The following CADPS variants were observed in gnomAD, a reference collection of about 807,000 sequenced individuals.
CADPS encodes the protein calcium dependent secretion activator, also known as calcium-dependent secretion activator 1.
In CADPS, 57 loss-of-function variants were observed where a neutral mutation model predicts 167.3. The ratio of observed to expected loss-of-function variants is 0.34; its 90% confidence interval spans 0.28 to 0.42. The LOEUF (loss-of-function observed/expected upper bound fraction) is 0.42. Among genes scored for constraint, CADPS ranks in the 20% least tolerant of loss-of-function variants. CADPS has a pLI of 1.00. For synonymous variants in CADPS, 676 were observed against 635.3 expected, an observed-to-expected ratio of 1.06 and a Z score of -0.96; for missense variants, 1,414 against 1,738.1, an observed-to-expected ratio of 0.81 and a Z score of 3.32.
At chr3:62,835,118 G>C (rs2075705861) in intron 1 of CADPS, among the ~76,000 whole-genome samples, 1 of 152,086 alleles carries the variant, frequency 6.6e-6, no homozygotes, top group Non-Finnish European at 1.5e-5. Context: ...ACTTTATGAA[G>C]AAACTGTCCC....
chr3:62,858,695 T>G (rs1277523604), intron 1 of CADPS, among the ~76,000 whole-genome samples: 1 of 152,214 alleles, frequency 6.6e-6, no homozygotes, highest in Non-Finnish European at 1.5e-5. Flanking sequence ...TCATGCTGAT[T>G]AAACACACTG....
At position 62,650,889 on chromosome 3, in the gene CADPS, G is replaced by C; in HGVS notation, c.1161C>G (p.Asn387Lys). Residue 387 changes from asparagine (N) to lysine (K), a missense_variant, in exon 5 of 30, where the codon AAC becomes AAG. Physicochemically the swap from Asn to Lys is moderately conservative, Grantham distance 94. Transcript: ENST00000383710. ...GCACGACATCTGACTTGGAGAGCTGGTTCTCACTCTCCTCGCCCATGTCGA... is the reference window on the plus strand; with the variant it reads ...GCACGACATCTGACTTGGAGAGCTGCTTCTCACTCTCCTCGCCCATGTCGA... ...SIIDMGEESENQLSKSDVVLS... is the reference protein window; with the variant it reads ...SIIDMGEESEKQLSKSDVVLS... 6.2e-7 allele frequency: 1 copy of C among 1,614,012 alleles called. No individual in the cohort carries two copies. Among genetic ancestry groups the C allele is most frequent in the Non-Finnish European group, 8.5e-7 (1 of 1,179,964 alleles).
chr3:62,591,965 G>T (rs753661181), intron 7 of CADPS, among the ~76,000 whole-genome samples: 1 of 152,154 alleles, frequency 6.6e-6, no homozygotes, highest in African/African-American at 2.4e-5. Context: ...AATGAACTAC[G>T]TGGAGATCTT....
intron 28 of CADPS, among the ~76,000 whole-genome samples, chr3:62,425,415 A>G (rs918095791): frequency 6.6e-6 from 1 of 152,158 alleles, no homozygotes. Context: ...CACTGCTCTA[A>G]ATTAGTGGTT....
chr3:62,718,404 A>G (rs956696962), intron 3 of CADPS, among the ~76,000 whole-genome samples: 3 of 152,208 alleles, frequency 2.0e-5, no homozygotes, highest in Non-Finnish European at 1.5e-5. Context: ...ACCTGTAAAG[A>G]GTTTCTAGAC....
chr3:62,684,830 A>G (rs1176898334), intron 3 of CADPS, among the ~76,000 whole-genome samples: 1 of 151,970 alleles, frequency 6.6e-6, no homozygotes, highest in East Asian at 1.9e-4. Context: ...TACATGCACC[A>G]ATCAGATGCA....
Position 62,508,765 on chromosome 3 carries a change from C to G in CADPS, c.2599+3986G>C, listed in dbSNP as rs531389766. Among the ~76,000 whole-genome samples, 44 of 152,254 alleles carry G rather than the reference C, an allele frequency of 2.9e-4. No individual in the cohort carries two copies. In the South Asian group the frequency reaches 8.9e-3, roughly 31 times the overall value. ...CACATACTAAATTCTCAATAAACAA[C>G]AATTTTTATCATAATCTGCAGCATC... On this transcript the variant is annotated intron_variant, in intron 17 of 29. Coordinates refer to ENST00000383710, the MANE Select transcript of CADPS (RefSeq NM_003716.4).
chr3:62,466,314 C>T lies in CADPS; in HGVS notation c.3552+25G>A, dbSNP rs754772986. 1.2e-5 allele frequency: 18 copies of T among 1,525,556 alleles called. No homozygotes were observed. In the East Asian group the frequency reaches 3.4e-4, roughly 29 times the overall value. 94.5% of individuals were successfully genotyped at this position (1,525,556 alleles called of 1,614,324 possible). ...TAACAAAGCAGTGTTCACAATGAAA[C>T]ATTTCACCTGAAGCTGGAGGTTACC... On this transcript the variant is annotated intron_variant, in intron 25 of 29. Coordinates refer to ENST00000383710, the MANE Select transcript of CADPS (RefSeq NM_003716.4).
intron 3 of CADPS, among the ~76,000 whole-genome samples, chr3:62,689,189 G>A (rs1387824044): frequency 6.6e-6 from 1 of 151,606 alleles, no homozygotes; most frequent in African/African-American, 2.4e-5. Flanking sequence ...TTTTCTCTAG[G>A]CAGAACAGCA....
chr3:62,454,602 C>A (rs2058466371), intron 26 of CADPS, among the ~76,000 whole-genome samples: 1 of 152,114 alleles, frequency 6.6e-6, no homozygotes, highest in Non-Finnish European at 1.5e-5. Context: ...GTATTTTGAA[C>A]AACAAAATGT....
chr3:62,642,917 CAAA>C, intron 6 of CADPS, among the ~76,000 whole-genome samples: 1 of 66,244 alleles, frequency 1.5e-5, no homozygotes, highest in African/African-American at 6.1e-5. Flanking sequence ...TCTCAAAAGA[CAAA>C]ACAAAACAAA....
intron 1 of CADPS, among the ~76,000 whole-genome samples, chr3:62,829,606 T>C (rs78144582): frequency 6.6e-6 from 1 of 152,248 alleles, no homozygotes; most frequent in African/African-American, 2.4e-5. Context: ...TACTAGACAC[T>C]CTTCCAGGTG....
chr3:62,407,586 A>G (rs1177052774), intron 28 of CADPS, among the ~76,000 whole-genome samples: 2 of 152,196 alleles, frequency 1.3e-5, no homozygotes, highest in Non-Finnish European at 2.9e-5. Context: ...GGTTAATACC[A>G]GTACTCTCTT....
chr3:62,642,038 T>A (rs1200485687), intron 6 of CADPS, among the ~76,000 whole-genome samples: 1 of 151,666 alleles, frequency 6.6e-6, no homozygotes, highest in Non-Finnish European at 1.5e-5. Flanking sequence ...ATTCAATACA[T>A]GAGGATTCCA....
intron 21 of CADPS, 80 bp downstream of exon 21, chr3:62,491,259 T>A: frequency 7.2e-7 from 1 of 1,386,220 alleles, no homozygotes; most frequent in Non-Finnish European, 1.0e-6. Context: ...GAAACCCATA[T>A]GACATCATTA....
chr3:62,547,593 C>T (rs575710208), intron 11 of CADPS, among the ~76,000 whole-genome samples: 5 of 108,162 alleles, frequency 4.6e-5, no homozygotes, highest in South Asian at 7.9e-4. Flanking sequence ...TACGCCCCCC[C>T]CCCCCCGCAA....
chr3:62,607,360 T>A (rs2149222194), intron 6 of CADPS, among the ~76,000 whole-genome samples: 1 of 152,266 alleles, frequency 6.6e-6, no homozygotes, highest in African/African-American at 2.4e-5. Flanking sequence ...AATAAGCAAG[T>A]GTGTTAACAC....
At chr3:62,678,943 C>T (rs114104484) in intron 3 of CADPS, among the ~76,000 whole-genome samples, 1 of 151,958 alleles carries the variant, frequency 6.6e-6, no homozygotes, top group Non-Finnish European at 1.5e-5. Context: ...AAAGGAGAGG[C>T]GAGGGACTGG....
chr3:62,637,405 T>C (rs1360836168), intron 6 of CADPS, among the ~76,000 whole-genome samples: 1 of 152,176 alleles, frequency 6.6e-6, no homozygotes, highest in Non-Finnish European at 1.5e-5. Context: ...TGATGATCAT[T>C]ATCATTAGTG....
Sources: allele counts gnomAD v4.1 joint callset (sites outside exome capture counted in the v4.1 genomes callset), GRCh38; gene constraint gnomAD v4.1.1; transcripts MANE v1.5; gene names NCBI Gene and HGNC (gene_info 2026-07-23, HGNC 2026-07-21).